SYNPO2: variants seen among roughly 807,000 people sequenced by gnomAD.
SYNPO2 encodes synaptopodin-2.
A neutral mutation model predicts 85.0 loss-of-function variants in SYNPO2; 56 were observed. That is an observed-to-expected ratio of 0.66 (90% confidence interval 0.53 to 0.82). SYNPO2 has a LOEUF of 0.82. SYNPO2 is among the 40% of genes least tolerant of loss of function. The pLI, the probability that SYNPO2 is intolerant of heterozygous loss-of-function variation, is 0.00. For missense variants in SYNPO2, 1,575 were observed against 1,534.2 expected (o/e 1.03, Z -0.44); for synonymous variants, 602 against 591.1 (o/e 1.02, Z -0.27).
At chr4:118,898,732 C>T (rs1304010538) in intron 1 of SYNPO2, among the ~76,000 whole-genome samples, 1 of 152,168 alleles carries the variant, frequency 6.6e-6, no homozygotes, top group Non-Finnish European at 1.5e-5. Flanking sequence ...TGTTCACAGG[C>T]CGACGGCCCC....
intron 1 of SYNPO2, among the ~76,000 whole-genome samples, chr4:119,008,873 T>G (rs545552886): frequency 6.6e-5 from 10 of 152,300 alleles, no homozygotes; most frequent in African/African-American, 2.2e-4. Flanking sequence ...TACAACTAAT[T>G]TAATTAATGT....
Position 119,057,411 on chromosome 4 carries a change from G to T in SYNPO2, c.3263G>T (p.Arg1088Leu). The change falls in exon 5 of 5, where the codon CGC (arginine) becomes CTC (leucine). Residue 1088 changes from arginine to leucine, a missense_variant. Arg to Leu is a moderately radical substitution (Grantham distance 102, BLOSUM62 -2). Transcript: ENST00000307142. ...KSGVTIQESG[R>L]SLSLPGRSVP... ...TTTCATTGTTTTTAGGAGAGTGGGCGCTCCCTTTCTCTTCCTGGAAGATCA... is the reference window on the plus strand; with the variant it reads ...TTTCATTGTTTTTAGGAGAGTGGGCTCTCCCTTTCTCTTCCTGGAAGATCA... 1.3e-6 allele frequency: 2 copies of T among 1,582,198 alleles called. No individual in the cohort carries two copies. Among genetic ancestry groups the T allele is most frequent in the East Asian group, 2.2e-5 (1 of 44,640 alleles).
chr4:118,886,940 C>A (rs1161448599), upstream of SYNPO2, among the ~76,000 whole-genome samples: 1 of 152,076 alleles, frequency 6.6e-6, no homozygotes, highest in Non-Finnish European at 1.5e-5. Flanking sequence ...GTAAAATGTT[C>A]ATTGTACCAC....
chr4:118,993,771 T>C (rs1317928851), intron 1 of SYNPO2, among the ~76,000 whole-genome samples: 1 of 152,254 alleles, frequency 6.6e-6, no homozygotes, highest in African/African-American at 2.4e-5. Flanking sequence ...ACTTTTTACT[T>C]TGTATTTGAA....
intron 1 of SYNPO2, among the ~76,000 whole-genome samples, chr4:118,852,218 A>G (rs1162118647): frequency 6.6e-6 from 1 of 152,206 alleles, no homozygotes; most frequent in African/African-American, 2.4e-5. Flanking sequence ...GAGAAAAAAT[A>G]ACAGATCCTG....
chr4:118,972,563 C>T (rs1478257731), intron 1 of SYNPO2, among the ~76,000 whole-genome samples: 1 of 152,188 alleles, frequency 6.6e-6, no homozygotes, highest in Non-Finnish European at 1.5e-5. Context: ...GCCCTTCAAA[C>T]TGTAAGGGCA....
intron 1 of SYNPO2, among the ~76,000 whole-genome samples, chr4:119,011,693 A>G (rs1005364534): frequency 1.3e-5 from 2 of 152,326 alleles, no homozygotes; most frequent in South Asian, 2.1e-4. Flanking sequence ...GTAAAATTCA[A>G]TCTTCTCATA....
intron 1 of SYNPO2, among the ~76,000 whole-genome samples, chr4:118,900,566 T>G (rs1299189986): frequency 6.6e-6 from 1 of 151,806 alleles, no homozygotes; most frequent in African/African-American, 2.4e-5. Context: ...TGTAGCATTT[T>G]TGCACTTCTA....
At chr4:118,888,181 C>G (rs961246851), upstream of SYNPO2, among the ~76,000 whole-genome samples, 1 of 152,118 alleles carries the variant, frequency 6.6e-6, no homozygotes, top group Non-Finnish European at 1.5e-5. Context: ...AAACAAAACA[C>G]GTTAAAATTT....
chr4:118,906,957 G>A (rs969271176), intron 1 of SYNPO2, among the ~76,000 whole-genome samples: 1 of 151,796 alleles, frequency 6.6e-6, no homozygotes, highest in Admixed American at 6.6e-5. Context: ...ACAGGTGTGT[G>A]CCACCACACC....
intron 1 of SYNPO2, among the ~76,000 whole-genome samples, chr4:118,896,790 C>T (rs1041221656): frequency 2.6e-5 from 4 of 152,142 alleles, no homozygotes; most frequent in Non-Finnish European, 4.4e-5. Flanking sequence ...AAATGAACAG[C>T]AAATTGTGGT....
intron 1 of SYNPO2, among the ~76,000 whole-genome samples, chr4:118,973,520 C>T (rs918687245): frequency 6.6e-6 from 1 of 152,060 alleles, no homozygotes; most frequent in African/African-American, 2.4e-5. Context: ...GGCTAACCAC[C>T]ATAAAAATTT....
intron 1 of SYNPO2, among the ~76,000 whole-genome samples, chr4:118,999,735 C>A (rs539478153): frequency 6.6e-6 from 1 of 152,218 alleles, no homozygotes; most frequent in South Asian, 2.1e-4. Flanking sequence ...CTTCATTGAT[C>A]TGGGCTTTGC....
chr4:119,034,013 A>T (rs1195353764), intron 4 of SYNPO2: 1 of 985,436 alleles, frequency 1.0e-6, no homozygotes, highest in African/African-American at 1.7e-5. Context: ...CAACCACAGG[A>T]TGTAGCTTGG....
intron 4 of SYNPO2, chr4:119,042,752 A>C (rs1177618760): frequency 1.3e-5 from 2 of 152,228 alleles, no homozygotes; most frequent in African/African-American, 4.8e-5. Flanking sequence ...ATATGTTACA[A>C]GAGTGTACGG....
chr4:118,983,881 T>TC (rs1736123970), intron 1 of SYNPO2, among the ~76,000 whole-genome samples: 1 of 152,180 alleles, frequency 6.6e-6, no homozygotes. Context: ...CTGCACAGCC[T>TC]CCCCATATCC....
At chr4:118,910,164 T>C (rs1192216389) in intron 1 of SYNPO2, among the ~76,000 whole-genome samples, 1 of 152,232 alleles carries the variant, frequency 6.6e-6, no homozygotes, top group Non-Finnish European at 1.5e-5. Flanking sequence ...TTTCTCACTG[T>C]TGTTTTCTCT....
intron 1 of SYNPO2, among the ~76,000 whole-genome samples, chr4:118,956,981 G>A (rs1734900968): frequency 6.6e-6 from 1 of 151,798 alleles, no homozygotes; most frequent in Non-Finnish European, 1.5e-5. Flanking sequence ...GGAGGTAGAG[G>A]TTGCAGTGAG....
chr4:118,973,318 A>G (rs985714512), intron 1 of SYNPO2, among the ~76,000 whole-genome samples: 1 of 152,092 alleles, frequency 6.6e-6, no homozygotes, highest in Non-Finnish European at 1.5e-5. Flanking sequence ...TAGTTTTATT[A>G]TACATATATA....
Sources: gnomAD v4.1 joint callset for allele counts (sites outside exome capture counted in the v4.1 genomes callset) on GRCh38, gnomAD v4.1.1 for gene constraint, MANE v1.5 for transcripts, NCBI Gene and HGNC (gene_info 2026-07-23, HGNC 2026-07-21) for gene names.